The following LAMB3 variants were observed in gnomAD, a reference collection of about 807,000 sequenced individuals.
The protein encoded by LAMB3 is laminin subunit beta 3.
Under a neutral mutation model 140.3 loss-of-function variants are expected in LAMB3, and 104 were observed. That is an observed-to-expected ratio of 0.74 (90% confidence interval 0.63 to 0.87). The LOEUF (loss-of-function observed/expected upper bound fraction) is 0.87. Ranked by LOEUF, LAMB3 falls within the 40% of genes least tolerant of loss-of-function variation. The pLI, the probability that LAMB3 is intolerant of heterozygous loss-of-function variation, is 0.00. For missense variants in LAMB3, 1,531 were observed against 1,575.2 expected (o/e 0.97, Z 0.47); for synonymous variants, 592 against 602.9 (o/e 0.98, Z 0.26).
chr1:209,616,324 C>T (rs1558146051), intron 22 of LAMB3, 147 bp downstream of exon 22: 2 of 916,530 alleles, frequency 2.2e-6, no homozygotes, highest in Non-Finnish European at 1.8e-6. Flanking sequence ...CAGCCTCATA[C>T]ATGCTAGATG....
chr1:209,644,898 G>A (rs1253372775), intron 3 of LAMB3, among the ~76,000 whole-genome samples: 1 of 152,208 alleles, frequency 6.6e-6, no homozygotes, highest in Non-Finnish European at 1.5e-5. Context: ...AGATGGCCAG[G>A]AAAAGAAGCA....
chr1:209,628,254 G>C, intron 10 of LAMB3, 64 bp from the exon 11 acceptor site: 1 of 1,532,722 alleles, frequency 6.5e-7, no homozygotes. Flanking sequence ...GCAGATTCCA[G>C]GAGCCAGGCT....
At chr1:209,633,697 A>C (rs566636823) in intron 6 of LAMB3, among the ~76,000 whole-genome samples, 1 of 152,354 alleles carries the variant, frequency 6.6e-6, no homozygotes, top group South Asian at 2.1e-4. Flanking sequence ...GGTATAACCA[A>C]GGAGGAACTG....
chr1:209,630,446 C>G (rs1315237157), intron 9 of LAMB3, 169 bp downstream of exon 9: 1 of 781,476 alleles, frequency 1.3e-6, no homozygotes, highest in Non-Finnish European at 2.1e-6. Context: ...CCCAAATACT[C>G]TCTCCATCCT....
At position 209,618,563 on chromosome 1, in the gene LAMB3, T is replaced by A; in HGVS notation, c.2798A>T (p.Asn933Ile). ...CCTGGCTGCAATGGCCTGGATCTCA[T>A]TCATCTTCTGCAGAACAGTAGCTGA... ...TDSATVLQKM[N>I]EIQAIAARLP... The change falls in exon 19 of 23, where the codon AAT (asparagine) becomes ATT (isoleucine). Residue 933 changes from asparagine to isoleucine, a missense_variant. Transcript: ENST00000356082. 1 of 1,614,246 alleles carries A rather than the reference T, an allele frequency of 6.2e-7. No individual in the cohort carries two copies. The highest frequency in any genetic ancestry group is 8.5e-7 in the Non-Finnish European group (1 of 1,180,042).
chr1:209,651,012 C>T, intron 1 of LAMB3, 31 bp from the exon 2 acceptor site: 1 of 1,385,114 alleles, frequency 7.2e-7, no homozygotes, highest in Non-Finnish European at 1.0e-6. Flanking sequence ...CTGGGTACAA[C>T]AGTGCAAACC....
At chr1:209,637,833 G>A (rs1666941328) in intron 5 of LAMB3, 75 bp downstream of exon 5, 2 of 1,165,320 alleles carry the variant, frequency 1.7e-6, no homozygotes, top group Non-Finnish European at 2.5e-6. Context: ...CAAGGACACT[G>A]TGCTCCTCCA....
chr1:209,618,697 A>T (rs1353190521), intron 18 of LAMB3, 38 bp from the exon 19 acceptor site: 2 of 1,595,746 alleles, frequency 1.3e-6, no homozygotes, highest in Non-Finnish European at 1.7e-6. Flanking sequence ...GGAGCCCACT[A>T]ACCTCCCCAG....
At chr1:209,627,113 C>T in intron 12 of LAMB3, 135 bp from the exon 13 acceptor site, 1 of 774,552 alleles carries the variant, frequency 1.3e-6, no homozygotes, top group Non-Finnish European at 2.3e-6. Flanking sequence ...CTGCTGTGCC[C>T]ACAAAACAAG....
intron 12 of LAMB3, 122 bp from the exon 13 acceptor site, chr1:209,627,100 G>C: frequency 1.3e-6 from 1 of 795,652 alleles, no homozygotes; most frequent in Non-Finnish European, 2.2e-6. Context: ...GCCACCTCCA[G>C]AGCTGCTGTG....
Position 209,633,101 on chromosome 1 carries a change from C to A in LAMB3, c.597G>T (p.Gly199=), listed in dbSNP as rs373068469. 9.9e-6 allele frequency: 16 copies of A among 1,612,622 alleles called. No homozygotes were observed. In the East Asian group the frequency reaches 3.3e-4, roughly 34 times the overall value. ...VQLNLMDLVS[G]IPATQSQKIQ... is the part of the protein sequence containing the mutation. ...TTTTTTGACTTTGAGTTGCTGGAAT[C>A]CCAGACACTAAATCCATAAGGTTAA... The change falls in exon 7 of 23, where the codon GGG becomes GGT. Residue 199 remains glycine (G), a synonymous_variant. Coordinates refer to ENST00000356082, the MANE Select transcript of LAMB3 (RefSeq NM_000228.3).
At chr1:209,644,928 T>G (rs2102457496) in intron 3 of LAMB3, among the ~76,000 whole-genome samples, 1 of 152,294 alleles carries the variant, frequency 6.6e-6, no homozygotes, top group East Asian at 1.9e-4. Flanking sequence ...TGCAAGACAG[T>G]TCCCAGAGGC....
intron 14 of LAMB3, among the ~76,000 whole-genome samples, chr1:209,624,536 C>A (rs1291946032): frequency 6.6e-6 from 1 of 152,190 alleles, no homozygotes; most frequent in Non-Finnish European, 1.5e-5. Context: ...AACCCAACCA[C>A]CAGCTCCCTC....
At chr1:209,632,801 G>A in intron 7 of LAMB3, 25 bp from the exon 8 acceptor site, 3 of 1,604,752 alleles carry the variant, frequency 1.9e-6, no homozygotes, top group Non-Finnish European at 2.6e-6. Context: ...CAGCAAGGAG[G>A]GAAGAGTTGG....
intron 6 of LAMB3, among the ~76,000 whole-genome samples, chr1:209,633,497 A>G (rs1666770699): frequency 6.6e-6 from 1 of 152,100 alleles, no homozygotes; most frequent in Non-Finnish European, 1.5e-5. Flanking sequence ...AAACCCAAGG[A>G]TGCGTGAATG....
rs1469421393 is a variant in LAMB3 at position 209,618,095 on chromosome 1, A to T, written c.2910-47T>A. On this transcript the variant is annotated intron_variant, in intron 19 of 22. Transcript: ENST00000356082. ...GAGAGGAGAGAGAGAATGAGTGAAC[A>T]GTGAATCAATGTGTGGTTCGACTCA... The T allele has an allele frequency of 1.9e-6, 3 of 1,611,776 alleles. No homozygotes were observed. In the African/African-American group the frequency reaches 4.0e-5, roughly 22 times the overall value.
intron 5 of LAMB3, 45 bp from the exon 6 acceptor site, chr1:209,634,683 T>A: frequency 6.6e-7 from 1 of 1,507,534 alleles, no homozygotes; most frequent in Non-Finnish European, 9.1e-7. Context: ...ACTGGGGCTG[T>A]GCCCCGTGGA....
intron 11 of LAMB3, 43 bp from the exon 12 acceptor site, chr1:209,627,622 A>T (rs760501978): frequency 4.4e-6 from 7 of 1,588,356 alleles, no homozygotes; most frequent in Non-Finnish European, 6.0e-6. Context: ...CGCTCCATGA[A>T]AAACTCACCC....
chr1:209,642,473 T>C (rs61508346), intron 3 of LAMB3, among the ~76,000 whole-genome samples: 1 of 104,812 alleles, frequency 9.5e-6, no homozygotes, highest in Admixed American at 1.1e-4. Context: ...GCTTTTTTGT[T>C]TGTTTGTTTG....
Sources: gnomAD v4.1 joint callset for allele counts (sites outside exome capture counted in the v4.1 genomes callset) on GRCh38, gnomAD v4.1.1 for gene constraint, MANE v1.5 for transcripts, NCBI Gene and HGNC (gene_info 2026-07-23, HGNC 2026-07-21) for gene names.